CLSTN1: variants seen among roughly 807,000 people sequenced by gnomAD.
CLSTN1 encodes the protein calsyntenin 1.
CLSTN1 carries 28 observed loss-of-function variants against 108.3 expected under a neutral mutation model. The observed-to-expected ratio is 0.26, with a 90% CI of 0.19 to 0.35. The LOEUF (loss-of-function observed/expected upper bound fraction) is 0.35, where lower values mean the gene tolerates loss of function less well. Ranked by LOEUF, CLSTN1 falls within the 10% of genes least tolerant of loss-of-function variation. CLSTN1 has a pLI of 1.00. For missense variants in CLSTN1, 1,157 were observed against 1,302.6 expected (o/e 0.89, Z 1.72); for synonymous variants, 524 against 534.9 (o/e 0.98, Z 0.28).
chr1:9,746,520 G>A (rs1651274187), intron 7 of CLSTN1, among the ~76,000 whole-genome samples: 1 of 152,158 alleles, frequency 6.6e-6, no homozygotes, highest in South Asian at 2.1e-4. Flanking sequence ...GTTCAAACCA[G>A]CCTGGCCAAT....
chr1:9,787,433 T>C (rs1653548804), intron 1 of CLSTN1, among the ~76,000 whole-genome samples: 1 of 146,206 alleles, frequency 6.8e-6, no homozygotes, highest in African/African-American at 2.5e-5. Context: ...AGACGGAGTC[T>C]CACTCTGTCG....
intron 1 of CLSTN1, among the ~76,000 whole-genome samples, chr1:9,774,356 AG>A (rs1277580770): frequency 6.6e-6 from 1 of 152,110 alleles, no homozygotes; most frequent in Non-Finnish European, 1.5e-5. Context: ...ACCTGAGGTC[AG>A]GAGTTTGTGA....
chr1:9,807,041 AGT>A (rs1654539093), intron 1 of CLSTN1, among the ~76,000 whole-genome samples: 2 of 151,906 alleles, frequency 1.3e-5, no homozygotes, highest in South Asian at 4.2e-4. Flanking sequence ...CATTGCCTAA[AGT>A]GTGTTCCCCG....
chr1:9,763,277 A>G (rs1488468279), intron 2 of CLSTN1, among the ~76,000 whole-genome samples: 1 of 152,092 alleles, frequency 6.6e-6, no homozygotes, highest in African/African-American at 2.4e-5. Context: ...TACCTTAAAT[A>G]TATGTAACAA....
At position 9,734,560 on chromosome 1, in the gene CLSTN1, G is replaced by A. The variant is rs189660638; in HGVS notation, c.2110+388C>T. ...ATTGCACTCCAGCCTGGGCGACAGAGTGAGACTCCATCTCAAAAAAAAAAA... is the reference window on the plus strand; with the variant it reads ...ATTGCACTCCAGCCTGGGCGACAGAATGAGACTCCATCTCAAAAAAAAAAA... On this transcript the variant is annotated intron_variant, in intron 14 of 18. Transcript: ENST00000377298. The surrounding 1 kb of genome is among the most constrained non-coding windows in gnomAD (Gnocchi z 4.8). Among the ~76,000 whole-genome samples the A allele has an allele frequency of 2.4e-4, 36 of 150,034 alleles. No individual in the cohort carries two copies. In the East Asian group the frequency reaches 6.1e-3, roughly 26 times the overall value.
rs760825053 is a variant in CLSTN1, at chr1:9,744,001, C to G, written c.1239G>C (p.Met413Ile). 2.9e-5 allele frequency: 46 copies of G among 1,613,782 alleles called. 2 individuals carry two copies. In the South Asian group the frequency reaches 4.5e-4, roughly 16 times the overall value. Residue 413 changes from methionine to isoleucine, a missense_variant, in exon 9 of 19, where the codon ATG becomes ATC. Transcript: ENST00000377298. The stretch of plus-strand genomic sequence containing the variant: ...CATAGAGGGAGTAGTGGTGCCGATT[C>G]ATATCTGCAAAGGCAGTTTCTATGG... ...TILCSSDKTD[M>I]NRHHYSLYVH... is the part of the protein sequence containing the mutation.
chr1:9,759,210 A>G (rs1419682350), intron 2 of CLSTN1, among the ~76,000 whole-genome samples: 1 of 152,176 alleles, frequency 6.6e-6, no homozygotes, highest in East Asian at 1.9e-4. Flanking sequence ...CACACTAAAA[A>G]CAATTTTTAA....
chr1:9,752,533 C>T lies in CLSTN1; in HGVS notation c.441-852G>A, dbSNP rs955463022. Among the ~76,000 whole-genome samples, 3 of 152,166 alleles carry T rather than the reference C, an allele frequency of 2.0e-5. No individual in the cohort carries two copies. In the South Asian group the frequency reaches 6.2e-4, roughly 32 times the overall value. On this transcript the variant is annotated intron_variant, in intron 4 of 18. Coordinates refer to ENST00000377298, the MANE Select transcript of CLSTN1 (RefSeq NM_001009566.3). ...CACAATGGGTTATGTGACACCATCT[C>T]GCCCACATACCCTTCTTTAGTAGAT... is the stretch of plus-strand genomic sequence containing the variant.
chr1:9,764,851 T>G (rs1232609905), intron 2 of CLSTN1, among the ~76,000 whole-genome samples: 1 of 151,866 alleles, frequency 6.6e-6, no homozygotes, highest in Admixed American at 6.6e-5. Context: ...CTTTTACACT[T>G]TTTTTTATCA....
chr1:9,796,308 A>C (rs528105950), intron 1 of CLSTN1, among the ~76,000 whole-genome samples: 6 of 150,038 alleles, frequency 4.0e-5, no homozygotes, highest in South Asian at 2.2e-4. Context: ...AAAAAAAAAA[A>C]CAGGCATTTG....
At chr1:9,775,357 G>A (rs754192966) in intron 1 of CLSTN1, among the ~76,000 whole-genome samples, 2 of 151,094 alleles carry the variant, frequency 1.3e-5, no homozygotes, top group Non-Finnish European at 3.0e-5. Context: ...GTGATGGCCC[G>A]GATCACTGGA....
intron 1 of CLSTN1, among the ~76,000 whole-genome samples, chr1:9,782,577 G>A (rs1199624146): frequency 2.0e-5 from 3 of 152,110 alleles, no homozygotes; most frequent in Admixed American, 6.5e-5. Context: ...CATTTTTTAG[G>A]GTTATGGTAG....
At chr1:9,748,383 A>G (rs1348008393) in intron 7 of CLSTN1, among the ~76,000 whole-genome samples, 1 of 152,084 alleles carries the variant, frequency 6.6e-6, no homozygotes, top group Non-Finnish European at 1.5e-5. Flanking sequence ...TCTCCACACA[A>G]TATTGTGATA....
intron 7 of CLSTN1, among the ~76,000 whole-genome samples, chr1:9,744,964 G>T (rs1651182496): frequency 6.6e-6 from 1 of 152,160 alleles, no homozygotes; most frequent in Non-Finnish European, 1.5e-5. Flanking sequence ...ATGTTGGCCA[G>T]GCTGGCCTGG....
At chr1:9,793,640 G>C (rs780497515) in intron 1 of CLSTN1, among the ~76,000 whole-genome samples, 2 of 151,494 alleles carry the variant, frequency 1.3e-5, no homozygotes, top group African/African-American at 2.4e-5. Context: ...TTTCCACTTT[G>C]ACTCCAAGAC....
At chr1:9,766,552 C>T (rs138124173) in intron 2 of CLSTN1, among the ~76,000 whole-genome samples, 2,423 of 152,096 alleles carry the variant, frequency 0.016, 63 homozygotes, top group African/African-American at 0.056. Flanking sequence ...CCCAGCTACT[C>T]GAGAGGCTGA....
At chr1:9,785,477 C>T (rs1394862314) in intron 1 of CLSTN1, among the ~76,000 whole-genome samples, 1 of 152,138 alleles carries the variant, frequency 6.6e-6, no homozygotes, top group Non-Finnish European at 1.5e-5. Flanking sequence ...TTATTTAGAT[C>T]AGGGTTTCTC....
intron 1 of CLSTN1, among the ~76,000 whole-genome samples, chr1:9,821,502 G>A (rs1655189073): frequency 6.6e-6 from 1 of 152,218 alleles, no homozygotes; most frequent in Non-Finnish European, 1.5e-5. Context: ...AAAACTAAGA[G>A]TCAAGATGCA....
chr1:9,815,610 A>G (rs552806237), intron 1 of CLSTN1, among the ~76,000 whole-genome samples: 23 of 152,318 alleles, frequency 1.5e-4, no homozygotes, highest in Admixed American at 3.3e-4. Flanking sequence ...TGGTGCAGCC[A>G]CTTTGTACAA....
Sources: allele counts gnomAD v4.1 joint callset (sites outside exome capture counted in the v4.1 genomes callset), GRCh38; gene constraint gnomAD v4.1.1; non-coding constraint Gnocchi (gnomAD v3.1); transcripts MANE v1.5; gene names NCBI Gene and HGNC (gene_info 2026-07-23, HGNC 2026-07-21).